The following PACSIN3 variants were observed in gnomAD, a reference collection of about 807,000 sequenced individuals.
PACSIN3 encodes protein kinase C and casein kinase substrate in neurons protein 3.
In PACSIN3, 34 loss-of-function variants were observed where a neutral mutation model predicts 56.1. The ratio of observed to expected loss-of-function variants is 0.61; its 90% confidence interval spans 0.46 to 0.81. The LOEUF (loss-of-function observed/expected upper bound fraction) is 0.81. Ranked by LOEUF, PACSIN3 falls within the 30% of genes least tolerant of loss-of-function variation. The pLI is 0.00. For missense variants in PACSIN3, 535 were observed against 592.4 expected, an observed-to-expected ratio of 0.90 and a Z score of 1.01; for synonymous variants, 218 against 229.8, an observed-to-expected ratio of 0.95 and a Z score of 0.46.
At position 47,179,498 on chromosome 11, in the gene PACSIN3, C is replaced by T. The variant is rs1206727084; in HGVS notation, c.692G>A (p.Cys231Tyr). 2.5e-6 allele frequency: 4 copies of T among 1,613,814 alleles called. No homozygotes were observed. The African/African-American group carries it at 4.0e-5, about 16-fold the overall frequency. Residue 231 changes from cysteine (C) to tyrosine (Y), a missense_variant, in exon 7 of 11, where the codon TGC (cysteine) becomes TAC (tyrosine). Physicochemically the swap from Cys to Tyr is radical, Grantham distance 194. Transcript: ENST00000298838. The surrounding 1 kb of genome is among the most constrained non-coding windows in gnomAD (Gnocchi z 4.4). ...MEDMEQAFET[C>Y]QAAERQRLLF... ...AAGCCGCTGGCGCTCGGCGGCCTGG[C>T]AGGTCTCAAAGGCCTGTTCCATGTC...
intron 4 of PACSIN3, among the ~76,000 whole-genome samples, chr11:47,182,013 G>A (rs1302798505): frequency 6.6e-6 from 1 of 151,856 alleles, no homozygotes; most frequent in African/African-American, 2.4e-5. Context: ...TTAGCCAGGC[G>A]TGGTGGTGGG....
Position 47,178,468 on chromosome 11 carries a change from A to C in PACSIN3, c.1057T>G (p.Trp353Gly). 1 of 1,613,392 alleles carries C rather than the reference A, an allele frequency of 6.2e-7. No individual in the cohort carries two copies. Among genetic ancestry groups the C allele is most frequent in the Non-Finnish European group, 8.5e-7 (1 of 1,179,880 alleles). Residue 353 changes from tryptophan to glycine, a missense_variant, in exon 10 of 11, where the codon TGG becomes GGG. Trp to Gly is a radical substitution (Grantham distance 184, BLOSUM62 -2). Transcript: ENST00000298838. This position sits in a 1 kb window ranked among gnomAD's most constrained non-coding sequence, Gnocchi z 4.2. ...GSPGTGQDEE[W>G]SDEESPRKAA... ...TTCCGGGGACTCTCTTCATCTGACC[A>C]CTCCTCATCCTGCCCCGTGCTGGAG...
intron 4 of PACSIN3, among the ~76,000 whole-genome samples, chr11:47,181,322 C>G (rs1485568579): frequency 6.6e-6 from 1 of 151,130 alleles, no homozygotes. Flanking sequence ...GTAAACACTA[C>G]ACTCCATTGC....
intron 1 of PACSIN3, chr11:47,183,406 G>A (rs1347718694): frequency 1.3e-5 from 2 of 152,310 alleles, no homozygotes; most frequent in African/African-American, 4.8e-5. Flanking sequence ...GGGCACGAAG[G>A]GAACCAAGAG....
At position 47,180,665 on chromosome 11, in the gene PACSIN3, C is replaced by T. The variant is rs567312245; in HGVS notation, c.237G>A (p.Lys79=). 3.1e-6 allele frequency: 5 copies of T among 1,601,696 alleles called. No homozygotes were observed. The highest frequency in any genetic ancestry group is 1.3e-5 in the African/African-American group (1 of 75,074). ...EKGPQYGTLE[K]AWHAFFTAAE... is the part of the protein sequence containing the mutation. ...CCGCCGTGAAAAAGGCATGCCAGGC[C>T]TTCTCCAGTGTGCCATACTGGGGGC... Residue 79 remains lysine (K), a synonymous_variant, in exon 5 of 11, where the codon AAG becomes AAA. Transcript: ENST00000298838.
intron 4 of PACSIN3, 145 bp from the exon 5 acceptor site, chr11:47,180,835 A>T: frequency 1.6e-6 from 1 of 638,784 alleles, no homozygotes; most frequent in South Asian, 2.0e-5. Flanking sequence ...GGGCTTATTG[A>T]ATGAGGACCA....
At chr11:47,181,725 G>C (rs1220383345) in intron 4 of PACSIN3, among the ~76,000 whole-genome samples, 1 of 152,208 alleles carries the variant, frequency 6.6e-6, no homozygotes, top group African/African-American at 2.4e-5. Flanking sequence ...TGTGGTCCCA[G>C]CTATTCAGGA....
chr11:47,181,187 G>A (rs1481151379), intron 4 of PACSIN3, among the ~76,000 whole-genome samples: 5 of 151,960 alleles, frequency 3.3e-5, no homozygotes, highest in East Asian at 3.9e-4. Context: ...ACTTGAACCC[G>A]AGAGGGGGAG....
intron 4 of PACSIN3, among the ~76,000 whole-genome samples, chr11:47,182,177 G>A (rs1266425194): frequency 6.6e-6 from 1 of 151,854 alleles, no homozygotes; most frequent in African/African-American, 2.4e-5. Context: ...AAGAAAATGG[G>A]TAAAACAACC....
In PACSIN3 at chr11:47,178,234, C is replaced by G. The variant is rs1447355652; in HGVS notation, c.1159+132G>C. 2.3e-6 allele frequency: 3 copies of G among 1,318,758 alleles called. No homozygotes were observed. Among genetic ancestry groups the G allele is most frequent in the Non-Finnish European group, 3.2e-6 (3 of 942,086 alleles). 81.7% of individuals were successfully genotyped at this position (1,318,758 alleles called of 1,614,324 possible). ...CCTGAATGCAGCCACCAGGCACCAG[C>G]TATCTGGACCTGGAACAGCTGAAGG... On this transcript the variant is annotated intron_variant, in intron 10 of 10. Coordinates refer to ENST00000298838, the MANE Select transcript of PACSIN3 (RefSeq NM_016223.5). The surrounding 1 kb of genome is among the most constrained non-coding windows in gnomAD (Gnocchi z 4.2).
Position 47,178,590 on chromosome 11 carries a change from T to C in PACSIN3, c.1038-103A>G, listed in dbSNP as rs1952943133. The C allele has an allele frequency of 6.9e-7, 1 of 1,445,026 alleles. No homozygotes were observed. Among genetic ancestry groups the C allele is most frequent in the Non-Finnish European group, 9.3e-7 (1 of 1,073,004 alleles). 89.5% of individuals were successfully genotyped at this position (1,445,026 alleles called of 1,614,324 possible). A position where few individuals can be genotyped will look rare whatever the true frequency, so the allele number is the denominator to read the frequency against. On this transcript the variant is annotated intron_variant, in intron 9 of 10. Coordinates refer to ENST00000298838, the MANE Select transcript of PACSIN3 (RefSeq NM_016223.5). This position sits in a 1 kb window ranked among gnomAD's most constrained non-coding sequence, Gnocchi z 4.2. ...AGGCCTCCCTACCCCCAGAGGCACC[T>C]GGGAGAGTCAGGTGAGGTACTAAAG...
Position 47,178,595 on chromosome 11 carries a change from G to A in PACSIN3, c.1038-108C>T. Reference sequence around the variant, plus strand: ...TCCCTACCCCCAGAGGCACCTGGGAGAGTCAGGTGAGGTACTAAAGATTCT... The same window carrying A: ...TCCCTACCCCCAGAGGCACCTGGGAAAGTCAGGTGAGGTACTAAAGATTCT... On this transcript the variant is annotated intron_variant, in intron 9 of 10. Coordinates refer to ENST00000298838, the MANE Select transcript of PACSIN3 (RefSeq NM_016223.5). This position sits in a 1 kb window ranked among gnomAD's most constrained non-coding sequence, Gnocchi z 4.2. The A allele has an allele frequency of 1.4e-6, 2 of 1,387,740 alleles. No individual in the cohort carries two copies. The highest frequency in any genetic ancestry group is 2.7e-5 in the South Asian group (2 of 73,980). 86.0% of individuals were successfully genotyped at this position (1,387,740 alleles called of 1,614,324 possible). A position where few individuals can be genotyped will look rare whatever the true frequency, so the allele number is the denominator to read the frequency against.
chr11:47,179,971 T>C lies in PACSIN3; in HGVS notation c.603+215A>G, dbSNP rs1157898214. ...AAAAGAGCTGGAAGTTCTCAACTGCTGAAGTCATCCCAGTGCCTGAAACTC... is the reference window on the plus strand; with the variant it reads ...AAAAGAGCTGGAAGTTCTCAACTGCCGAAGTCATCCCAGTGCCTGAAACTC... On this transcript the variant is annotated intron_variant, in intron 6 of 10. Coordinates refer to ENST00000298838, the MANE Select transcript of PACSIN3 (RefSeq NM_016223.5). The surrounding 1 kb of genome is among the most constrained non-coding windows in gnomAD (Gnocchi z 4.4). 3.3e-5 allele frequency among the ~76,000 whole-genome samples: 5 copies of C among 152,222 alleles called. No individual in the cohort carries two copies. Among genetic ancestry groups the C allele is most frequent in the African/African-American group, 1.2e-4 (5 of 41,448 alleles).
rs148750446 is a variant in PACSIN3, at chr11:47,180,545, G to C, written c.357C>G (p.His119Gln). ...CGCGGAAGCCGCCCAGCACAGGCCG[G>C]TGGAAAGCCCCCCGCTGCCAGGCGC... ...RVRAWQRGAF[H>Q]RPVLGGFRES... The change falls in exon 5 of 11, where the codon CAC becomes CAG. Residue 119 changes from histidine (H) to glutamine (Q), a missense_variant. Coordinates refer to ENST00000298838, the MANE Select transcript of PACSIN3 (RefSeq NM_016223.5). 6.2e-6 allele frequency: 10 copies of C among 1,603,900 alleles called. No homozygotes were observed. The highest frequency in any genetic ancestry group is 8.5e-6 in the Non-Finnish European group (10 of 1,179,576).
chr11:47,183,232 TG>T (rs1953062848), intron 1 of PACSIN3, 163 bp from the exon 2 acceptor site: 1 of 65,928 alleles, frequency 1.5e-5, no homozygotes, highest in Non-Finnish European at 3.1e-5. Context: ...CAGGCGGGGG[TG>T]GGCGGTGGGC....
chr11:47,177,976 G>A lies in PACSIN3; in HGVS notation c.1230C>T (p.Arg410=). ...GWCQGQLQSG[R]IGLYPANYVE... Reference sequence around the variant, plus strand: ...CGTAGTTGGCAGGGTACAGGCCAATGCGGCCACTCTGCAACTGGCCTTGGC... The same window carrying A: ...CGTAGTTGGCAGGGTACAGGCCAATACGGCCACTCTGCAACTGGCCTTGGC... Residue 410 remains arginine (R), a synonymous_variant, in exon 11 of 11, where the codon CGC becomes CGT. Transcript: ENST00000298838. 2 of 1,614,110 alleles carry A rather than the reference G, an allele frequency of 1.2e-6. No homozygotes were observed. Among genetic ancestry groups the A allele is most frequent in the Non-Finnish European group, 8.5e-7 (1 of 1,179,996 alleles).
In PACSIN3 at chr11:47,177,742, C is replaced by T. The variant is rs57638128; in HGVS notation, c.*189G>A. On this transcript the variant is annotated 3_prime_UTR_variant, in exon 11 of 11. Transcript: ENST00000298838. ...TCCCATCTTGCCCTCAGCCTAGACT[C>T]GTCCCTTCCCTACCAGTCCCTTCCC... 1.6e-6 allele frequency: 1 copy of T among 614,154 alleles called. No homozygotes were observed. Among genetic ancestry groups the T allele is most frequent in the South Asian group, 2.0e-5 (1 of 51,264 alleles). 38.0% of individuals were successfully genotyped at this position (614,154 alleles called of 1,614,324 possible).
At chr11:47,183,706 G>T (rs1046337222) in intron 1 of PACSIN3, among the ~76,000 whole-genome samples, 1 of 152,244 alleles carries the variant, frequency 6.6e-6, no homozygotes, top group Admixed American at 6.5e-5. Context: ...ATGGGGAAGT[G>T]AGAAGCGATG....
chr11:47,182,247 A>G (rs561106607), intron 4 of PACSIN3, among the ~76,000 whole-genome samples, 156 bp downstream of exon 4: 4 of 152,288 alleles, frequency 2.6e-5, no homozygotes, highest in Non-Finnish European at 5.9e-5. Flanking sequence ...ATAAACTTTA[A>G]TAACACCACA....
Sources: allele counts gnomAD v4.1 joint callset (sites outside exome capture counted in the v4.1 genomes callset), GRCh38; gene constraint gnomAD v4.1.1; non-coding constraint Gnocchi (gnomAD v3.1); transcripts MANE v1.5; gene names NCBI Gene and HGNC (gene_info 2026-07-23, HGNC 2026-07-21).